The following DISP3 variants were observed in gnomAD, a reference collection of about 807,000 sequenced individuals.
DISP3 encodes the protein protein dispatched homolog 3.
Under a neutral mutation model 135.3 loss-of-function variants are expected in DISP3, and 101 were observed. The ratio of observed to expected loss-of-function variants is 0.75; its 90% CI spans 0.64 to 0.88. DISP3 has a LOEUF of 0.88. Among genes scored for constraint, DISP3 ranks in the 40% least tolerant of loss-of-function variants. DISP3 has a pLI of 0.00. For synonymous variants in DISP3, 856 were observed against 817.0 expected (o/e 1.05, Z -0.81); for missense variants, 1,713 against 1,878.6 (o/e 0.91, Z 1.63).
chr1:11,504,654 TGA>T, intron 3 of DISP3, among the ~76,000 whole-genome samples: 2 of 152,348 alleles, frequency 1.3e-5, no homozygotes, highest in East Asian at 3.9e-4. Flanking sequence ...GATTAGTTCC[TGA>T]GAGAGCAGGT....
In DISP3 at chr1:11,522,953, A is replaced by AGAGCCCAG. The variant is rs1557615821; in HGVS notation, c.2363-989_2363-988insGAGCCCAG. On this transcript the variant is annotated intron_variant, in intron 10 of 20. Transcript: ENST00000294484. ...CCAGCCAGGACCCAGCCAGAGCCCAACCAGGACCCAGCCAGGACCCAGCCG... is the reference window on the plus strand; with the variant it reads ...CCAGCCAGGACCCAGCCAGAGCCCAAGAGCCCAGCCAGGACCCAGCCAGGACCCAGCCG... Among the ~76,000 whole-genome samples, 148 of 83,190 alleles carry AGAGCCCAG rather than the reference A, an allele frequency of 1.8e-3. 22 individuals carry two copies. Among genetic ancestry groups the AGAGCCCAG allele is most frequent in the African/African-American group, 6.3e-3 (143 of 22,546 alleles). 54.6% of individuals were successfully genotyped at this position (83,190 alleles called of 152,430 possible).
chr1:11,502,565 T>C (rs1641576703), intron 2 of DISP3, 113 bp from the exon 3 acceptor site: 1 of 823,254 alleles, frequency 1.2e-6, no homozygotes, highest in African/African-American at 1.7e-5. Flanking sequence ...TTGGTGGATA[T>C]GGACAGGGGG....
rs150321762 is a variant in DISP3 at position 11,537,077 on chromosome 1, CTG to C, written c.*392_*393del. The C allele has an allele frequency of 0.014, 2,672 of 190,298 alleles. 76 individuals are homozygous for C. Among genetic ancestry groups the C allele is most frequent in the African/African-American group, 0.058 (2,479 of 42,768 alleles). 11.8% of individuals were successfully genotyped at this position (190,298 alleles called of 1,614,324 possible). ...GGCCCCCATTCTACCGATGTGAAAA[CTG>C]AGGCGCCAGGACACAGTGGCTGCCC... On this transcript the variant is annotated 3_prime_UTR_variant, in exon 21 of 21. Transcript: ENST00000294484.
At chr1:11,535,455 C>A (rs751119336) in intron 19 of DISP3, 23 bp from the exon 20 acceptor site, 2 of 1,584,678 alleles carry the variant, frequency 1.3e-6, no homozygotes, top group Non-Finnish European at 1.7e-6. Context: ...ATCCGAGCTG[C>A]CCCCCCTGCT....
At position 11,535,545 on chromosome 1, in the gene DISP3, C is replaced by T. The variant is rs1340741990; in HGVS notation, c.3717C>T (p.Ile1239=). ...SGWEMGAVEA[I]SLSILVGSSV... ...GGGAGATGGGGGCTGTGGAAGCCAT[C>T]TCCCTGTCCATCCTCGTTGGCTCCT... The change falls in exon 20 of 21, where the codon ATC becomes ATT. Residue 1239 remains isoleucine, a synonymous_variant. Coordinates refer to ENST00000294484, the MANE Select transcript of DISP3 (RefSeq NM_020780.2). 6.2e-7 allele frequency: 1 copy of T among 1,613,336 alleles called. No individual in the cohort carries two copies. Among genetic ancestry groups the T allele is most frequent in the Non-Finnish European group, 8.5e-7 (1 of 1,179,922 alleles).
rs776520998 is a variant in DISP3 at position 11,529,919 on chromosome 1, A to G, written c.3062A>G (p.Asn1021Ser). 13 of 1,613,746 alleles carry G rather than the reference A, an allele frequency of 8.1e-6. No individual in the cohort carries two copies. The highest frequency in any genetic ancestry group is 3.3e-5 in the Admixed American group (2 of 60,002). ...GTGGTCTTCGGCATTATTGGCGTCAACCGCACTCGGCAGGTGGACAACCAC... is the reference window on the plus strand; with the variant it reads ...GTGGTCTTCGGCATTATTGGCGTCAGCCGCACTCGGCAGGTGGACAACCAC... ...VFVVFGIIGVNRTRQVDNHVI... is the reference protein window; with the variant it reads ...VFVVFGIIGVSRTRQVDNHVI... Residue 1021 changes from asparagine to serine, a missense_variant, in exon 15 of 21, where the codon AAC becomes AGC. By Grantham distance (46) the Asn-to-Ser change is conservative (BLOSUM62 1). Around this residue, in one of 2 missense-constraint regions of DISP3, gnomAD observed 1,142 missense variants for 1,384.6 expected, o/e 0.82. Coordinates refer to ENST00000294484, the MANE Select transcript of DISP3 (RefSeq NM_020780.2). This position sits in a 1 kb window ranked among gnomAD's most constrained non-coding sequence, Gnocchi z 4.7.
At chr1:11,509,928 T>G (rs1641811742) in intron 3 of DISP3, among the ~76,000 whole-genome samples, 2 of 151,936 alleles carry the variant, frequency 1.3e-5, no homozygotes, top group Non-Finnish European at 2.9e-5. Flanking sequence ...GTGAAACCCA[T>G]GTTACTAAAA....
Position 11,520,687 on chromosome 1 carries a change from G to T in DISP3, c.2201G>T (p.Gly734Val). ...SAVKSRWVIVGLFVSILILSL... is the reference protein window; with the variant it reads ...SAVKSRWVIVVLFVSILILSL... ...CTGGTGTAGCGCCCTTTCCTCACAG[G>T]GCTGTTCGTCTCCATCCTCATCTTG... Residue 734 changes from glycine (G) to valine (V), a missense_variant and splice_region_variant, in exon 10 of 21, where the codon GGG (glycine) becomes GTG (valine). Around this residue, in one of 2 missense-constraint regions of DISP3, gnomAD observed 1,142 missense variants for 1,384.6 expected, o/e 0.82. Transcript: ENST00000294484. This position sits in a 1 kb window ranked among gnomAD's most constrained non-coding sequence, Gnocchi z 4.8. 6.2e-7 allele frequency: 1 copy of T among 1,613,042 alleles called. No homozygotes were observed. The highest frequency in any genetic ancestry group is 8.5e-7 in the Non-Finnish European group (1 of 1,179,806).
chr1:11,500,834 T>C (rs1335501842), intron 1 of DISP3, among the ~76,000 whole-genome samples, 156 bp from the exon 2 acceptor site: 1 of 152,182 alleles, frequency 6.6e-6, no homozygotes, highest in East Asian at 1.9e-4. Flanking sequence ...GTGGTTTAAT[T>C]CAGTTGTGTT....
At chr1:11,500,405 G>A (rs942837589) in intron 1 of DISP3, among the ~76,000 whole-genome samples, 24 of 152,166 alleles carry the variant, frequency 1.6e-4, no homozygotes, top group African/African-American at 5.6e-4. Context: ...ACAGTCGTAC[G>A]AGGCAGCAAT....
At position 11,529,415 on chromosome 1, in the gene DISP3, A is replaced by G; in HGVS notation, c.2799-141A>G. On this transcript the variant is annotated intron_variant, in intron 13 of 20. Transcript: ENST00000294484. The surrounding 1 kb of genome is among the most constrained non-coding windows in gnomAD (Gnocchi z 4.7). ...ACATCCCCCAGCCCTCAACCTGAGA[A>G]CAAATCCCCATGCCGGGGCAGAGCC... 9.5e-7 allele frequency: 1 copy of G among 1,051,206 alleles called. No homozygotes were observed. The highest frequency in any genetic ancestry group is 1.4e-6 in the Non-Finnish European group (1 of 725,216). 65.1% of individuals were successfully genotyped at this position (1,051,206 alleles called of 1,614,324 possible).
At chr1:11,522,715 GGGCCC>G (rs1267239040) in intron 10 of DISP3, among the ~76,000 whole-genome samples, 2 of 134,620 alleles carry the variant, frequency 1.5e-5, no homozygotes, top group South Asian at 2.3e-4. Flanking sequence ...GACCCAGCCA[GGGCCC>G]AGCCAGGGCC....
At chr1:11,494,895 AAGTTATAAAC>A (rs1641289188) in intron 1 of DISP3, among the ~76,000 whole-genome samples, 1 of 151,932 alleles carries the variant, frequency 6.6e-6, no homozygotes, top group Non-Finnish European at 1.5e-5. Context: ...CAGAGGAGGG[AAGTTATAAAC>A]AGGACCACAG....
chr1:11,489,584 G>C (rs12076237), intron 1 of DISP3, among the ~76,000 whole-genome samples: 1 of 152,198 alleles, frequency 6.6e-6, no homozygotes, highest in Non-Finnish European at 1.5e-5. Flanking sequence ...CCAGCATCCA[G>C]CCCCCCTTGC....
chr1:11,515,229 C>T, intron 4 of DISP3, 140 bp from the exon 5 acceptor site: 1 of 1,247,496 alleles, frequency 8.0e-7, no homozygotes. Flanking sequence ...TGGCCCTGTG[C>T]CTGTGCTGGG....
At chr1:11,510,046 C>T (rs1273664794) in intron 3 of DISP3, among the ~76,000 whole-genome samples, 1 of 152,136 alleles carries the variant, frequency 6.6e-6, no homozygotes, top group Non-Finnish European at 1.5e-5. Context: ...TTTCAGTGAG[C>T]TGAGATCGTG....
chr1:11,515,115 TATGTA>T (rs1317846021), intron 4 of DISP3, among the ~76,000 whole-genome samples: 1 of 152,224 alleles, frequency 6.6e-6, no homozygotes, highest in East Asian at 1.9e-4. Flanking sequence ...CCCCAGGTAA[TATGTA>T]ATGTTCACAA....
At chr1:11,486,837 G>A (rs531392738) in intron 1 of DISP3, among the ~76,000 whole-genome samples, 18 of 152,094 alleles carry the variant, frequency 1.2e-4, no homozygotes, top group Non-Finnish European at 2.2e-4. Flanking sequence ...ATGACCACGC[G>A]CCGGATAAGT....
intron 17 of DISP3, among the ~76,000 whole-genome samples, chr1:11,533,253 C>CTTTTTT (rs70983563): frequency 2.9e-5 from 3 of 103,976 alleles, no homozygotes; most frequent in Admixed American, 9.4e-5. Context: ...GTGACTGTTT[C>CTTTTTT]TTTTTTTTTT....
Sources: allele counts gnomAD v4.1 joint callset (sites outside exome capture counted in the v4.1 genomes callset), GRCh38; gene constraint gnomAD v4.1.1; regional missense constraint gnomAD v4.1.1; non-coding constraint Gnocchi (gnomAD v3.1); transcripts MANE v1.5; gene names NCBI Gene and HGNC (gene_info 2026-07-23, HGNC 2026-07-21).